Variants in RAB27B observed in about 807,000 individuals in gnomAD.
RAB27B encodes the protein RAB27B, member RAS oncogene family, also known as ras-related protein Rab-27B.
Under a neutral mutation model 24.6 loss-of-function variants are expected in RAB27B, and 15 were observed. That is an observed-to-expected ratio of 0.61 (90% confidence interval 0.41 to 0.94). The LOEUF (loss-of-function observed/expected upper bound fraction) is 0.94. RAB27B is among the 40% of genes least tolerant of loss of function. RAB27B has a pLI of 0.00. For synonymous variants in RAB27B, 105 were observed against 92.5 expected (o/e 1.14, Z -0.78); for missense variants, 261 against 266.8 (o/e 0.98, Z 0.15).
intron 2 of RAB27B, among the ~76,000 whole-genome samples, chr18:54,764,172 T>G (rs1056307343): frequency 6.6e-6 from 1 of 152,316 alleles, no homozygotes; most frequent in Admixed American, 6.5e-5. Flanking sequence ...GACCCTGTGT[T>G]TACCATCTTT....
chr18:54,724,880 T>G (rs1909480651), intron 2 of RAB27B, among the ~76,000 whole-genome samples: 1 of 151,640 alleles, frequency 6.6e-6, no homozygotes, highest in Admixed American at 6.6e-5. Context: ...TTTTGTTTGG[T>G]GAACAGAATG....
intron 2 of RAB27B, among the ~76,000 whole-genome samples, chr18:54,808,335 C>G (rs1459922400): frequency 1.3e-5 from 2 of 152,166 alleles, no homozygotes; most frequent in Admixed American, 1.3e-4. Flanking sequence ...AATCCACACT[C>G]TCGTGATCAC....
chr18:54,848,502 A>G (rs544015877), intron 1 of RAB27B, among the ~76,000 whole-genome samples: 1 of 152,334 alleles, frequency 6.6e-6, no homozygotes, highest in South Asian at 2.1e-4. Flanking sequence ...GAGAAAAATG[A>G]GAGCTTCAGT....
intron 2 of RAB27B, among the ~76,000 whole-genome samples, chr18:54,783,485 G>A (rs887970638): frequency 6.7e-6 from 1 of 148,532 alleles, no homozygotes; most frequent in African/African-American, 2.5e-5. Context: ...ATGGCTTTGT[G>A]TGTGTGTGTG....
chr18:54,852,016 G>A (rs1393722735), intron 1 of RAB27B, among the ~76,000 whole-genome samples: 1 of 152,080 alleles, frequency 6.6e-6, no homozygotes, highest in Admixed American at 6.6e-5. Context: ...AGCATTCTGT[G>A]TTTCAGATAA....
chr18:54,865,030 T>C (rs1205484011), intron 1 of RAB27B, among the ~76,000 whole-genome samples: 3 of 152,126 alleles, frequency 2.0e-5, no homozygotes, highest in Non-Finnish European at 2.9e-5. Flanking sequence ...GTTTAGTGCT[T>C]AGACTAAAAG....
At chr18:54,886,545 T>G (rs1239639652) in intron 4 of RAB27B, among the ~76,000 whole-genome samples, 1 of 152,168 alleles carries the variant, frequency 6.6e-6, no homozygotes, top group Non-Finnish European at 1.5e-5. Context: ...ACTTTCATAA[T>G]TGCTTCTCCA....
chr18:54,835,988 T>C (rs547566766), intron 1 of RAB27B, among the ~76,000 whole-genome samples: 5 of 152,080 alleles, frequency 3.3e-5, no homozygotes, highest in Non-Finnish European at 5.9e-5. Flanking sequence ...GATGAGAATT[T>C]ATGCATCTGT....
At position 54,730,877 on chromosome 18, in the gene RAB27B, C is replaced by T. The variant is rs138362940; in HGVS notation, c.-20+12736C>T. On this transcript the variant is annotated intron_variant, in intron 2 of 4. Coordinates refer to the RAB27B transcript ENST00000586570. Reference sequence around the variant, plus strand: ...ATATTCCTTTATAGTAATGCAAGAACGTACTAACACACTACATGAGTTTGT... The same window carrying T: ...ATATTCCTTTATAGTAATGCAAGAATGTACTAACACACTACATGAGTTTGT... Among the ~76,000 whole-genome samples, 29 of 152,274 alleles carry T rather than the reference C, an allele frequency of 1.9e-4. No homozygotes were observed. In the South Asian group the frequency reaches 5.4e-3, roughly 28 times the overall value.
chr18:54,730,998 A>G (rs1008177480), intron 2 of RAB27B, among the ~76,000 whole-genome samples: 2 of 152,188 alleles, frequency 1.3e-5, no homozygotes, highest in Non-Finnish European at 2.9e-5. Flanking sequence ...TAATAGTCAT[A>G]TGTATTTTTT....
intron 1 of RAB27B, among the ~76,000 whole-genome samples, chr18:54,876,168 A>G (rs921870889): frequency 2.0e-5 from 3 of 152,154 alleles, no homozygotes; most frequent in African/African-American, 7.2e-5. Context: ...AGCCCCTTAT[A>G]AAACCATCAG....
chr18:54,829,680 T>C (rs1303610619), intron 1 of RAB27B, among the ~76,000 whole-genome samples: 1 of 152,240 alleles, frequency 6.6e-6, no homozygotes, highest in Non-Finnish European at 1.5e-5. Context: ...TTTATGGTTA[T>C]AAATTTTGAA....
At position 54,893,661 on chromosome 18, in the gene RAB27B, C is replaced by G. The variant is rs190182252; in HGVS notation, c.*4248C>G. ...TTCAATGCTTTATAAATCCATGAAG[C>G]TGCTTGTCTCATAAAGTAGAACTGA... On this transcript the variant is annotated 3_prime_UTR_variant, in exon 6 of 6. Transcript: ENST00000262094. 16 of 152,020 alleles carry G rather than the reference C, an allele frequency of 1.1e-4. No individual in the cohort carries two copies. Among genetic ancestry groups the G allele is most frequent in the Admixed American group, 6.6e-4 (10 of 15,230 alleles). The allele number at this position is 152,020 out of a possible 1,614,324, so 9.4% of individuals were successfully genotyped here.
chr18:54,774,749 G>A (rs1354777611), intron 2 of RAB27B, among the ~76,000 whole-genome samples: 2 of 152,190 alleles, frequency 1.3e-5, no homozygotes, highest in Admixed American at 6.5e-5. Flanking sequence ...GTTTAAGCCA[G>A]TAAAATAGCA....
At chr18:54,786,711 T>A (rs1421791470) in intron 2 of RAB27B, among the ~76,000 whole-genome samples, 1 of 152,208 alleles carries the variant, frequency 6.6e-6, no homozygotes, top group Non-Finnish European at 1.5e-5. Flanking sequence ...TTAAAATCAC[T>A]ATGAAACCTA....
chr18:54,759,639 G>A (rs1272080638), intron 2 of RAB27B, among the ~76,000 whole-genome samples: 1 of 152,186 alleles, frequency 6.6e-6, no homozygotes, highest in African/African-American at 2.4e-5. Context: ...GTGCATTCCT[G>A]TTTTCCCATT....
intron 2 of RAB27B, among the ~76,000 whole-genome samples, chr18:54,727,779 T>G (rs2144984462): frequency 6.6e-6 from 1 of 152,364 alleles, no homozygotes; most frequent in South Asian, 2.1e-4. Context: ...ATAAAACTGC[T>G]TATAGTTATA....
chr18:54,718,694 C>A (rs1259942482), intron 2 of RAB27B, among the ~76,000 whole-genome samples: 1 of 152,140 alleles, frequency 6.6e-6, no homozygotes, highest in Non-Finnish European at 1.5e-5. Context: ...CATTAAAAAA[C>A]AATGCTAATC....
At position 54,819,432 on chromosome 18, in the gene RAB27B, T is replaced by C. The variant is rs1218407055; in HGVS notation, c.-19-58135T>C. 2.0e-5 allele frequency among the ~76,000 whole-genome samples: 3 copies of C among 147,868 alleles called. No homozygotes were observed. In the East Asian group the frequency reaches 5.9e-4, roughly 29 times the overall value. ...CTGTAATCCTAGCTACTCAGGAGGC[T>C]GAGGTGGGAGGATCACTTGAGCCTG... On this transcript the variant is annotated intron_variant, in intron 2 of 4. Transcript: ENST00000586570.
Sources: allele counts gnomAD v4.1 joint callset (sites outside exome capture counted in the v4.1 genomes callset), GRCh38; gene constraint gnomAD v4.1.1; transcripts MANE v1.5; gene names NCBI Gene and HGNC (gene_info 2026-07-23, HGNC 2026-07-21).